LINGO2: variants seen among roughly 807,000 people sequenced by gnomAD.
LINGO2 encodes the protein leucine-rich repeat and immunoglobulin-like domain-containing nogo receptor-interacting protein 2.
In LINGO2, 14 loss-of-function variants were observed where a neutral mutation model predicts 30.6. That is an observed-to-expected ratio of 0.46 (90% CI 0.30 to 0.72). LINGO2 has a LOEUF of 0.72. Ranked by LOEUF, LINGO2 falls within the 30% of genes least tolerant of loss-of-function variation. LINGO2 has a pLI of 0.07. For synonymous variants in LINGO2, 317 were observed against 288.5 expected (o/e 1.10, Z -1.00); for missense variants, 729 against 751.7 (o/e 0.97, Z 0.35).
chr9:29,116,400 A>C, the LINGO2 span, among the ~76,000 whole-genome samples: 1 of 152,142 alleles, frequency 6.6e-6, no homozygotes, highest in African/African-American at 2.4e-5. Flanking sequence ...AAAATCTTCC[A>C]TAAAGATGGC....
intron 2 of LINGO2, among the ~76,000 whole-genome samples, chr9:28,447,679 A>G (rs979449472): frequency 2.0e-5 from 3 of 152,222 alleles, no homozygotes; most frequent in African/African-American, 7.2e-5. Context: ...TTTTGAAATG[A>G]TTAATAGAAT....
At chr9:28,875,509 A>G in the LINGO2 span, among the ~76,000 whole-genome samples, 1 of 152,078 alleles carries the variant, frequency 6.6e-6, no homozygotes, top group Non-Finnish European at 1.5e-5. Context: ...TCTCAAGAGT[A>G]TCCTTTATAG....
chr9:29,123,789 C>A, the LINGO2 span, among the ~76,000 whole-genome samples: 1 of 151,874 alleles, frequency 6.6e-6, no homozygotes, highest in Admixed American at 6.6e-5. Flanking sequence ...AAATTCAGAA[C>A]AAATATTAAC....
At chr9:28,662,093 GA>G (rs1828606548) in intron 1 of LINGO2, among the ~76,000 whole-genome samples, 1 of 152,178 alleles carries the variant, frequency 6.6e-6, no homozygotes, top group African/African-American at 2.4e-5. Context: ...GTTGATTGGT[GA>G]ATTAATTAGA....
At chr9:28,831,929 A>T in the LINGO2 span, among the ~76,000 whole-genome samples, 1 of 152,172 alleles carries the variant, frequency 6.6e-6, no homozygotes, top group Admixed American at 6.6e-5. Flanking sequence ...ATTCTACATA[A>T]ATTGGTAAAG....
the LINGO2 span, among the ~76,000 whole-genome samples, chr9:29,175,866 T>G: frequency 6.6e-6 from 1 of 152,190 alleles, no homozygotes; most frequent in Non-Finnish European, 1.5e-5. Context: ...AATCTTTAAA[T>G]TCTTTTATCA....
At chr9:28,591,272 AC>A (rs925060142) in intron 1 of LINGO2, among the ~76,000 whole-genome samples, 54 of 152,062 alleles carry the variant, frequency 3.6e-4, no homozygotes, top group Non-Finnish European at 6.2e-4. Flanking sequence ...ACAAACCTGC[AC>A]ATTGTGCACA....
chr9:28,632,656 T>A, intron 1 of LINGO2, among the ~76,000 whole-genome samples: 2 of 119,408 alleles, frequency 1.7e-5, no homozygotes, highest in African/African-American at 2.8e-5. Flanking sequence ...ACATAGATAT[T>A]TTATCTATAT....
At chr9:28,729,363 T>C in the LINGO2 span, among the ~76,000 whole-genome samples, 50 of 151,926 alleles carry the variant, frequency 3.3e-4, no homozygotes, top group Non-Finnish European at 8.8e-5. Context: ...ATTAAGATAT[T>C]CCATACATCT....
the LINGO2 span, among the ~76,000 whole-genome samples, chr9:29,178,090 T>C: frequency 6.6e-6 from 1 of 151,982 alleles, no homozygotes; most frequent in Admixed American, 6.6e-5. Context: ...AGTTTCACTC[T>C]TGTTGCCCAG....
intron 1 of LINGO2, among the ~76,000 whole-genome samples, chr9:28,532,553 T>C (rs1821274005): frequency 6.6e-6 from 1 of 152,110 alleles, no homozygotes; most frequent in Admixed American, 6.6e-5. Flanking sequence ...AGGGTACTTT[T>C]TCAAGCTAAC....
chr9:28,504,346 A>C (rs2135329366), intron 1 of LINGO2, among the ~76,000 whole-genome samples: 1 of 152,036 alleles, frequency 6.6e-6, no homozygotes, highest in East Asian at 1.9e-4. Flanking sequence ...ATATATTAAA[A>C]ATATAGTAAC....
chr9:28,522,123 A>C lies in LINGO2; in HGVS notation c.-364-46098T>G, dbSNP rs1040194183. 8.5e-5 allele frequency among the ~76,000 whole-genome samples: 13 copies of C among 152,332 alleles called. No homozygotes were observed. In the South Asian group the frequency reaches 2.7e-3, roughly 32 times the overall value. ...ACTAATGAAGCAATTAAGACAAGCAAAACTTCTATGACAATAAGACCAGAA... is the reference window on the plus strand; with the variant it reads ...ACTAATGAAGCAATTAAGACAAGCACAACTTCTATGACAATAAGACCAGAA... On this transcript the variant is annotated intron_variant, in intron 1 of 5. Coordinates refer to ENST00000379992, the Ensembl canonical transcript of LINGO2.
intron 4 of LINGO2, among the ~76,000 whole-genome samples, chr9:28,189,188 C>G (rs532692981): frequency 5.7e-4 from 83 of 145,234 alleles, no homozygotes; most frequent in Non-Finnish European, 8.9e-4. Context: ...ATAGCCAGAG[C>G]AGTGATCTTT....
At chr9:28,222,379 C>G (rs551790866) in intron 4 of LINGO2, among the ~76,000 whole-genome samples, 1 of 152,084 alleles carries the variant, frequency 6.6e-6, no homozygotes, top group Non-Finnish European at 1.5e-5. Flanking sequence ...TAAATCACAG[C>G]TTTTGAATCG....
At chr9:28,324,739 C>G (rs541060938) in intron 3 of LINGO2, among the ~76,000 whole-genome samples, 1 of 152,230 alleles carries the variant, frequency 6.6e-6, no homozygotes, top group Non-Finnish European at 1.5e-5. Flanking sequence ...GAATTGGCCA[C>G]CCCTTCCCCA....
At chr9:28,613,757 T>C (rs1826017952) in intron 1 of LINGO2, among the ~76,000 whole-genome samples, 1 of 152,094 alleles carries the variant, frequency 6.6e-6, no homozygotes, top group Non-Finnish European at 1.5e-5. Flanking sequence ...TCAGTCAGAA[T>C]AGGATGTAAA....
chr9:29,083,779 G>A, the LINGO2 span, among the ~76,000 whole-genome samples: 3 of 152,046 alleles, frequency 2.0e-5, no homozygotes, highest in African/African-American at 7.2e-5. Context: ...TACCAGTTTT[G>A]ACATTAAGCA....
chr9:28,585,369 G>T lies in LINGO2; in HGVS notation c.-365+84831C>A, dbSNP rs76733571. Reference sequence around the variant, plus strand: ...ATGGTATAATTCAAGTCCCAGGACTGCTGAGAGGAGAGCTATGGATACCAA... The same window carrying T: ...ATGGTATAATTCAAGTCCCAGGACTTCTGAGAGGAGAGCTATGGATACCAA... On this transcript the variant is annotated intron_variant, in intron 1 of 5. Transcript: ENST00000379992. Among the ~76,000 whole-genome samples, 1,288 of 152,008 alleles carry T rather than the reference G, an allele frequency of 8.5e-3. 27 individuals are homozygous for T. Among genetic ancestry groups the T allele is most frequent in the East Asian group, 0.056 (286 of 5,150 alleles).
Sources: allele counts gnomAD v4.1 joint callset (sites outside exome capture counted in the v4.1 genomes callset), GRCh38; gene constraint gnomAD v4.1.1; transcripts MANE v1.5; gene names NCBI Gene and HGNC (gene_info 2026-07-23, HGNC 2026-07-21).